The following EGF variants were observed in gnomAD, a reference collection of about 807,000 sequenced individuals.
EGF encodes the protein epidermal growth factor, also known as pro-epidermal growth factor.
Under a neutral mutation model 143.8 loss-of-function variants are expected in EGF, and 95 were observed. The ratio of observed to expected loss-of-function variants is 0.66; its 90% CI spans 0.56 to 0.78. EGF has a LOEUF of 0.78. Ranked by LOEUF, EGF falls within the 30% of genes least tolerant of loss-of-function variation. The pLI, the probability that EGF is intolerant of heterozygous loss-of-function variation, is 0.00. For synonymous variants in EGF, 510 were observed against 510.5 expected, an observed-to-expected ratio of 1.00 and a Z score of 0.01; for missense variants, 1,320 against 1,470.9, an observed-to-expected ratio of 0.90 and a Z score of 1.68.
intron 6 of EGF, among the ~76,000 whole-genome samples, 183 bp from the exon 7 acceptor site, chr4:109,960,684 G>C (rs1745540163): frequency 6.6e-6 from 1 of 151,974 alleles, no homozygotes; most frequent in Non-Finnish European, 1.5e-5. Context: ...AATAGAAATG[G>C]CTTTTATCAT....
In EGF at chr4:109,993,384, G is replaced by A. The variant is rs920291781; in HGVS notation, c.2857+15G>A. 4 of 1,612,548 alleles carry A rather than the reference G, an allele frequency of 2.5e-6. No individual in the cohort carries two copies. Among genetic ancestry groups the A allele is most frequent in the East Asian group, 2.2e-5 (1 of 44,850 alleles). ...GATTTGCCCTGGTAGGTTGGTGGGT[G>A]GTCTACAGTGAAGGGGAGGGACTTG... On this transcript the variant is annotated intron_variant, in intron 19 of 23. Coordinates refer to ENST00000265171, the MANE Select transcript of EGF (RefSeq NM_001963.6).
intron 5 of EGF, among the ~76,000 whole-genome samples, chr4:109,947,121 A>G (rs1263766306): frequency 6.7e-6 from 1 of 150,342 alleles, no homozygotes; most frequent in East Asian, 2.0e-4. Flanking sequence ...TCTGTCTCAA[A>G]TTAAAATTAA....
chr4:110,002,364 A>G (rs1194778436), intron 21 of EGF, among the ~76,000 whole-genome samples: 1 of 152,168 alleles, frequency 6.6e-6, no homozygotes, highest in Non-Finnish European at 1.5e-5. Context: ...ATGGTGGCAC[A>G]CAGCTATAGT....
intron 1 of EGF, among the ~76,000 whole-genome samples, chr4:109,929,267 T>C (rs1445056325): frequency 1.3e-5 from 2 of 152,300 alleles, no homozygotes; most frequent in South Asian, 2.1e-4. Context: ...CGCTATTTAT[T>C]GGCCTTGTGA....
rs1396355094 is a variant in EGF at position 110,008,277 on chromosome 4, ATCCTGACTGTTTTTC to A, written c.3370+48_3370+62del. Reference sequence around the variant, plus strand: ...CTGGTGAATGGTTATTTTTACTTAGATCCTGACTGTTTTTCAATGAAAAGTCTCATTTAACCACAC... The same window carrying A: ...CTGGTGAATGGTTATTTTTACTTAGAAATGAAAAGTCTCATTTAACCACAC... On this transcript the variant is annotated intron_variant, in intron 23 of 23. Coordinates refer to ENST00000265171, the MANE Select transcript of EGF (RefSeq NM_001963.6). 1.9e-6 allele frequency: 3 copies of A among 1,604,858 alleles called. No homozygotes were observed. In the African/African-American group the frequency reaches 4.0e-5, roughly 21 times the overall value.
In EGF at chr4:109,976,121, A is replaced by C. The variant is rs1748458347; in HGVS notation, c.1939A>C (p.Ile647Leu). The C allele has an allele frequency of 6.2e-7, 1 of 1,614,064 alleles. No homozygotes were observed. The highest frequency in any genetic ancestry group is 8.5e-7 in the Non-Finnish European group (1 of 1,180,006). Residue 647 changes from isoleucine to leucine, a missense_variant, in exon 13 of 24, where the codon ATA (isoleucine) becomes CTA (leucine). Transcript: ENST00000265171. ...CTCTGATCTAATCTGGCCCAGTGGA[A>C]TAACGATTGACTTCTTAACTGACAA... ...ASSDLIWPSGITIDFLTDKLY... is the reference protein window; with the variant it reads ...ASSDLIWPSGLTIDFLTDKLY...
intron 21 of EGF, chr4:110,004,204 A>G (rs1014666531): frequency 1.5e-5 from 6 of 412,252 alleles, no homozygotes; most frequent in South Asian, 4.2e-5. Flanking sequence ...CCCAACATAC[A>G]TGGGCATACA....
chr4:109,974,803 G>A lies in EGF; in HGVS notation c.1825G>A (p.Ala609Thr), dbSNP rs1378939683. Residue 609 changes from alanine (A) to threonine (T), a missense_variant, in exon 12 of 24, where the codon GCC (alanine) becomes ACC (threonine). Transcript: ENST00000265171. ...QPRGIAVHPM[A>T]KRLFWTDTGI... ...ACGAGGAATTGCTGTTCATCCAATG[G>A]CCAAGTAGGTATTTGTAAAAATAAG... 2 of 1,611,536 alleles carry A rather than the reference G, an allele frequency of 1.2e-6. No homozygotes were observed. Among genetic ancestry groups the A allele is most frequent in the Non-Finnish European group, 1.7e-6 (2 of 1,177,932 alleles).
intron 11 of EGF, among the ~76,000 whole-genome samples, chr4:109,973,342 T>C (rs538762834): frequency 6.6e-6 from 1 of 152,326 alleles, no homozygotes; most frequent in South Asian, 2.1e-4. Context: ...CTTTAGGTCC[T>C]GTACTTTAGA....
intron 1 of EGF, among the ~76,000 whole-genome samples, chr4:109,919,243 G>T (rs1330658893): frequency 6.7e-6 from 1 of 148,364 alleles, no homozygotes; most frequent in East Asian, 2.0e-4. Flanking sequence ...CAGAAGTGAA[G>T]ATTCTTGTAG....
chr4:109,947,440 T>C (rs576367522), intron 5 of EGF, among the ~76,000 whole-genome samples: 66 of 152,004 alleles, frequency 4.3e-4, no homozygotes, highest in African/African-American at 1.5e-3. Flanking sequence ...CGTGGCACAA[T>C]CTCACTTGAA....
At chr4:109,953,972 A>G (rs1195963808) in intron 5 of EGF, among the ~76,000 whole-genome samples, 1 of 152,252 alleles carries the variant, frequency 6.6e-6, no homozygotes, top group Admixed American at 6.5e-5. Flanking sequence ...ATGGGCAACC[A>G]AACTGCCAGA....
chr4:109,999,620 A>G, intron 20 of EGF, 59 bp from the exon 21 acceptor site: 1 of 1,610,468 alleles, frequency 6.2e-7, no homozygotes, highest in Non-Finnish European at 8.5e-7. Flanking sequence ...CTGAGTGTCA[A>G]AACTATCAGC....
chr4:109,934,404 G>C lies in EGF; in HGVS notation c.128-6542G>C, dbSNP rs544053549. Among the ~76,000 whole-genome samples the C allele has an allele frequency of 3.3e-5, 5 of 152,198 alleles. No homozygotes were observed. In the South Asian group the frequency reaches 1.0e-3, roughly 32 times the overall value. ...ATATCCTTCGTCCACTTTTTTATGG[G>C]GTTGTTTGGTTTTTTCTTGTAAATT... On this transcript the variant is annotated intron_variant, in intron 1 of 23. Transcript: ENST00000265171.
intron 15 of EGF, among the ~76,000 whole-genome samples, chr4:109,982,460 T>C (rs59242631): frequency 0.044 from 6,707 of 152,148 alleles, 445 homozygotes; most frequent in East Asian, 0.23. Context: ...CCCGAGTAGC[T>C]GGGATTACAG....
At position 110,012,677 on chromosome 4, in the gene EGF, A is replaced by G. The variant is rs11569149; in HGVS notation, c.*1222A>G. ...TGATTGACTTTCAGCCTCCCAACGT[A>G]TTAGATTATAGGCATTAGCCATGGT... On this transcript the variant is annotated 3_prime_UTR_variant, in exon 24 of 24. Transcript: ENST00000265171. 0.042 allele frequency among the ~76,000 whole-genome samples: 6,321 copies of G among 152,208 alleles called. 321 individuals carry two copies. Among genetic ancestry groups the G allele is most frequent in the East Asian group, 0.17 (886 of 5,184 alleles).
At chr4:110,006,094 G>A (rs1753247597) in intron 22 of EGF, among the ~76,000 whole-genome samples, 2 of 152,134 alleles carry the variant, frequency 1.3e-5, no homozygotes, top group Admixed American at 6.5e-5. Flanking sequence ...TAATCCCCAT[G>A]CTTTGGGAGG....
At chr4:109,932,379 ATT>A (rs35647377) in intron 1 of EGF, among the ~76,000 whole-genome samples, 26 of 113,462 alleles carry the variant, frequency 2.3e-4, no homozygotes, top group African/African-American at 9.8e-4. Context: ...ATATATATAA[ATT>A]TTTTTTTTTT....
chr4:109,963,888 A>T (rs1746116755), intron 9 of EGF, among the ~76,000 whole-genome samples: 1 of 152,160 alleles, frequency 6.6e-6, no homozygotes. Context: ...CCCTAGTGAG[A>T]CCCCAATACT....
Sources: gnomAD v4.1 joint callset for allele counts (sites outside exome capture counted in the v4.1 genomes callset) on GRCh38, gnomAD v4.1.1 for gene constraint, MANE v1.5 for transcripts, NCBI Gene and HGNC (gene_info 2026-07-23, HGNC 2026-07-21) for gene names.